The following EXOC4 variants were observed in gnomAD, a reference collection of about 807,000 sequenced individuals.
EXOC4 encodes the protein SEC8-like 1.
In EXOC4, 71 loss-of-function variants were observed where a neutral mutation model predicts 107.2. The ratio of observed to expected loss-of-function variants is 0.66; its 90% CI spans 0.55 to 0.81. EXOC4 has a LOEUF of 0.81. EXOC4 is among the 30% of genes least tolerant of loss of function. EXOC4 has a pLI of 0.00. For synonymous variants in EXOC4, 456 were observed against 441.2 expected, an observed-to-expected ratio of 1.03 and a Z score of -0.42; for missense variants, 1,108 against 1,189.6, an observed-to-expected ratio of 0.93 and a Z score of 1.01.
At chr7:133,729,151 C>A (rs545564781) in intron 10 of EXOC4, among the ~76,000 whole-genome samples, 1 of 152,110 alleles carries the variant, frequency 6.6e-6, no homozygotes, top group Admixed American at 6.6e-5. Context: ...CATTATATTT[C>A]CTTAGAATTA....
chr7:133,814,176 G>A (rs1419259236), intron 10 of EXOC4, among the ~76,000 whole-genome samples: 13 of 151,960 alleles, frequency 8.6e-5, no homozygotes, highest in South Asian at 8.3e-4. Flanking sequence ...GTACTTAGTC[G>A]TTTTTTTGAG....
chr7:134,018,537 G>T (rs1297133704), intron 17 of EXOC4, among the ~76,000 whole-genome samples: 1 of 152,116 alleles, frequency 6.6e-6, no homozygotes, highest in East Asian at 1.9e-4. Context: ...TGAATTCTGT[G>T]GCCAGCACTC....
intron 9 of EXOC4, among the ~76,000 whole-genome samples, chr7:133,602,556 G>C (rs1017500161): frequency 2.6e-5 from 4 of 152,166 alleles, no homozygotes; most frequent in African/African-American, 7.2e-5. Context: ...ATTAACACGG[G>C]GTCTAGGGTT....
At chr7:133,797,845 C>T (rs2551015) in intron 10 of EXOC4, among the ~76,000 whole-genome samples, 8,242 of 152,274 alleles carry the variant, frequency 0.054, 318 homozygotes, top group Non-Finnish European at 0.081. Context: ...TCTAGGTATA[C>T]AGCTATGAAG....
chr7:133,360,499 T>A (rs1443634938), intron 6 of EXOC4, among the ~76,000 whole-genome samples: 2 of 152,206 alleles, frequency 1.3e-5, no homozygotes, highest in African/African-American at 4.8e-5. Flanking sequence ...AGCCGTTGCT[T>A]CCAGGGAGAC....
intron 10 of EXOC4, among the ~76,000 whole-genome samples, chr7:133,802,959 A>G (rs1245911247): frequency 6.6e-6 from 1 of 152,082 alleles, no homozygotes; most frequent in Non-Finnish European, 1.5e-5. Context: ...GGGAAATGAC[A>G]GAAAAAAAAA....
At chr7:133,343,595 C>T (rs1018872112) in intron 5 of EXOC4, among the ~76,000 whole-genome samples, 9 of 150,768 alleles carry the variant, frequency 6.0e-5, no homozygotes, top group Admixed American at 2.0e-4. Flanking sequence ...CTTTTAGTTC[C>T]GTTTTTTTTT....
chr7:134,091,916 T>C, the EXOC4 span, among the ~76,000 whole-genome samples: 1 of 152,212 alleles, frequency 6.6e-6, no homozygotes, highest in East Asian at 1.9e-4. Flanking sequence ...GGAATATTTT[T>C]GTTTCCTTCA....
At chr7:133,835,201 T>A (rs1797893066) in intron 11 of EXOC4, among the ~76,000 whole-genome samples, 1 of 152,218 alleles carries the variant, frequency 6.6e-6, no homozygotes, top group Admixed American at 6.5e-5. Flanking sequence ...TTATAATTTA[T>A]GTTATAGTCA....
chr7:133,968,917 T>C (rs967634353), intron 14 of EXOC4, among the ~76,000 whole-genome samples: 1 of 152,224 alleles, frequency 6.6e-6, no homozygotes, highest in African/African-American at 2.4e-5. Flanking sequence ...TTCTCCTGAA[T>C]AATATCCTGA....
At chr7:134,072,239 A>G in the EXOC4 span, among the ~76,000 whole-genome samples, 4 of 152,180 alleles carry the variant, frequency 2.6e-5, no homozygotes, top group African/African-American at 7.2e-5. Flanking sequence ...CCTTCTATCT[A>G]TCTTAGGTTC....
intron 12 of EXOC4, among the ~76,000 whole-genome samples, chr7:133,915,064 C>T (rs1269050994): frequency 6.6e-6 from 1 of 152,126 alleles, no homozygotes; most frequent in African/African-American, 2.4e-5. Context: ...AATATAATAA[C>T]TGCAAATTTT....
At chr7:133,439,271 G>A (rs1204706591) in intron 7 of EXOC4, among the ~76,000 whole-genome samples, 1 of 130,758 alleles carries the variant, frequency 7.6e-6, no homozygotes, top group South Asian at 2.6e-4. Flanking sequence ...TGCAACCTCC[G>A]CCTCCTGGGT....
intron 17 of EXOC4, among the ~76,000 whole-genome samples, chr7:134,048,393 T>C (rs1013415546): frequency 2.0e-5 from 3 of 152,182 alleles, no homozygotes; most frequent in Non-Finnish European, 4.4e-5. Context: ...AACTATAAGC[T>C]AAGTTTCTCT....
intron 17 of EXOC4, among the ~76,000 whole-genome samples, chr7:134,031,187 A>G (rs1795262900): frequency 6.6e-6 from 1 of 152,198 alleles, no homozygotes; most frequent in African/African-American, 2.4e-5. Flanking sequence ...TCTGAAATTC[A>G]TTATGGTCCT....
chr7:133,741,229 C>T lies in EXOC4; in HGVS notation c.1515-76096C>T, dbSNP rs76182824. Among the ~76,000 whole-genome samples, 14 of 152,256 alleles carry T rather than the reference C, an allele frequency of 9.2e-5. No homozygotes were observed. In the East Asian group the frequency reaches 1.4e-3, roughly 15 times the overall value. On this transcript the variant is annotated intron_variant, in intron 10 of 17. Transcript: ENST00000253861. ...CAGCAGGTATCTTCATCTCTCTTCC[C>T]GTTCTTGCCTCTAAACACAGGTCTG...
intron 10 of EXOC4, among the ~76,000 whole-genome samples, chr7:133,767,766 C>G (rs977459377): frequency 9.9e-5 from 15 of 151,890 alleles, no homozygotes; most frequent in African/African-American, 3.6e-4. Flanking sequence ...AATTTAAAAG[C>G]TACTGAACCA....
intron 11 of EXOC4, among the ~76,000 whole-genome samples, chr7:133,893,803 G>A (rs1207271060): frequency 1.6e-5 from 1 of 61,162 alleles, no homozygotes; most frequent in Non-Finnish European, 2.7e-5. Flanking sequence ...TCCACTGTTA[G>A]TCTGATGGGC....
intron 7 of EXOC4, among the ~76,000 whole-genome samples, chr7:133,427,783 G>C (rs1797761474): frequency 1.3e-5 from 2 of 152,162 alleles, no homozygotes; most frequent in African/African-American, 4.8e-5. Flanking sequence ...AGTGGGTAAG[G>C]GGGTGGTACC....
Sources: gnomAD v4.1 joint callset for allele counts (sites outside exome capture counted in the v4.1 genomes callset) on GRCh38, gnomAD v4.1.1 for gene constraint, MANE v1.5 for transcripts, NCBI Gene and HGNC (gene_info 2026-07-23, HGNC 2026-07-21) for gene names.